RANBP2: variants seen among roughly 807,000 people sequenced by gnomAD.
The protein encoded by RANBP2 is RAN binding protein 2, also known as E3 SUMO-protein ligase RanBP2.
Under a neutral mutation model 303.6 loss-of-function variants are expected in RANBP2, and 57 were observed. The ratio of observed to expected loss-of-function variants is 0.19; its 90% CI spans 0.15 to 0.23. RANBP2 has a LOEUF of 0.23. Ranked by LOEUF, RANBP2 falls within the 10% of genes least tolerant of loss-of-function variation. RANBP2 has a pLI of 1.00. For missense variants in RANBP2, 3,138 were observed against 3,780.8 expected (o/e 0.83, Z 4.46); for synonymous variants, 1,167 against 1,301.5 (o/e 0.90, Z 2.23).
the RANBP2 span, among the ~76,000 whole-genome samples, chr2:109,258,615 G>T: frequency 6.6e-6 from 1 of 152,224 alleles, no homozygotes; most frequent in Non-Finnish European, 1.5e-5. Context: ...GCCACAGCTG[G>T]CTGTGCTCCT....
the RANBP2 span, chr2:109,129,898 G>C: frequency 2.6e-6 from 4 of 1,511,102 alleles, no homozygotes; most frequent in South Asian, 2.5e-5. Context: ...ACTGCTGGAC[G>C]GCATCCGTCA....
chr2:109,428,495 G>A, the RANBP2 span, among the ~76,000 whole-genome samples: 23 of 152,328 alleles, frequency 1.5e-4, no homozygotes, highest in South Asian at 4.1e-3. Flanking sequence ...TCTGTGCACC[G>A]TCCCGGGTGT....
At chr2:109,025,228 G>A in the RANBP2 span, among the ~76,000 whole-genome samples, 4 of 152,120 alleles carry the variant, frequency 2.6e-5, no homozygotes, top group African/African-American at 9.7e-5. Context: ...CCATTGTGTG[G>A]ACATACTGCA....
At chr2:109,424,731 G>T in the RANBP2 span, among the ~76,000 whole-genome samples, 2 of 152,164 alleles carry the variant, frequency 1.3e-5, no homozygotes, top group Non-Finnish European at 2.9e-5. Flanking sequence ...TGATGTGTAT[G>T]TTCTGACGGC....
chr2:109,029,699 C>A, the RANBP2 span, among the ~76,000 whole-genome samples: 1 of 152,198 alleles, frequency 6.6e-6, no homozygotes, highest in African/African-American at 2.4e-5. Context: ...TCCTCTGTTC[C>A]CCTCTCCTTT....
the RANBP2 span, chr2:108,930,085 G>A: frequency 4.4e-6 from 7 of 1,600,608 alleles, no homozygotes; most frequent in Non-Finnish European, 5.1e-6. Context: ...CCTCCCCTGA[G>A]AGCGCACCAG....
chr2:109,001,203 T>C, the RANBP2 span, among the ~76,000 whole-genome samples: 3 of 152,150 alleles, frequency 2.0e-5, no homozygotes, highest in Non-Finnish European at 4.4e-5. Flanking sequence ...CCAGGAACCA[T>C]TCACTCCTGA....
At chr2:109,489,760 C>G in the RANBP2 span, among the ~76,000 whole-genome samples, 1 of 151,026 alleles carries the variant, frequency 6.6e-6, no homozygotes, top group East Asian at 2.0e-4. Flanking sequence ...GCGGGGGGGA[C>G]GGAGTCTCGC....
chr2:109,481,831 G>A, the RANBP2 span, among the ~76,000 whole-genome samples: 13 of 152,124 alleles, frequency 8.5e-5, no homozygotes, highest in Non-Finnish European at 1.5e-4. Flanking sequence ...GCCCAGAGGG[G>A]CAAGGTGCCT....
At chr2:109,679,480 A>G in the RANBP2 span, among the ~76,000 whole-genome samples, 2 of 152,378 alleles carry the variant, frequency 1.3e-5, no homozygotes, top group Admixed American at 6.5e-5. Flanking sequence ...ATGTACACAC[A>G]TACATTTCTG....
the RANBP2 span, among the ~76,000 whole-genome samples, chr2:108,953,575 C>T: frequency 6.6e-6 from 1 of 152,092 alleles, no homozygotes; most frequent in Non-Finnish European, 1.5e-5. Flanking sequence ...TTGCAGTTAC[C>T]TCCCATACTT....
chr2:108,848,449 A>C, the RANBP2 span, among the ~76,000 whole-genome samples: 2 of 152,338 alleles, frequency 1.3e-5, no homozygotes, highest in South Asian at 2.1e-4. Context: ...ATAACAGGGC[A>C]TAAGAATATG....
At chr2:109,031,020 TCTCA>T in the RANBP2 span, among the ~76,000 whole-genome samples, 2 of 152,302 alleles carry the variant, frequency 1.3e-5, no homozygotes, top group Middle Eastern at 6.8e-3. Flanking sequence ...GCACCTTTTG[TCTCA>T]CTGACTCATG....
the RANBP2 span, among the ~76,000 whole-genome samples, chr2:109,507,745 C>A: frequency 2.0e-5 from 3 of 152,194 alleles, no homozygotes; most frequent in Non-Finnish European, 4.4e-5. Context: ...ATCATTTGAA[C>A]CTGCCCCAAA....
chr2:108,937,540 TGTGA>T, the RANBP2 span, among the ~76,000 whole-genome samples: 5 of 151,900 alleles, frequency 3.3e-5, no homozygotes, highest in East Asian at 1.9e-4. Context: ...AGTGTATGTG[TGTGA>T]GTGTGTGAAT....
At chr2:109,498,495 C>T in the RANBP2 span, among the ~76,000 whole-genome samples, 1 of 152,206 alleles carries the variant, frequency 6.6e-6, no homozygotes, top group Non-Finnish European at 1.5e-5. Context: ...TGCCCCAAAG[C>T]CATGGCTTCT....
chr2:108,925,306 G>C, the RANBP2 span, among the ~76,000 whole-genome samples: 1 of 152,258 alleles, frequency 6.6e-6, no homozygotes, highest in Non-Finnish European at 1.5e-5. Flanking sequence ...GAGGTGGACA[G>C]AGGCCCCAAA....
At chr2:109,528,636 C>T in the RANBP2 span, among the ~76,000 whole-genome samples, 1 of 152,144 alleles carries the variant, frequency 6.6e-6, no homozygotes, top group Non-Finnish European at 1.5e-5. Context: ...GGGCAGAGCC[C>T]AGAGAACAGG....
At chr2:108,791,910 C>A in the RANBP2 span, 1 of 1,149,996 alleles carries the variant, frequency 8.7e-7, no homozygotes, top group South Asian at 1.7e-5. Context: ...TTGCATATTT[C>A]TGTGTTCTGA....
Sources: gnomAD v4.1 joint callset for allele counts (sites outside exome capture counted in the v4.1 genomes callset) on GRCh38, gnomAD v4.1.1 for gene constraint, MANE v1.5 for transcripts, NCBI Gene and HGNC (gene_info 2026-07-23, HGNC 2026-07-21) for gene names.